Variants in ACAA2 observed in about 807,000 individuals in gnomAD.
ACAA2 encodes acetyl-CoA acyltransferase 2, also known as 3-ketoacyl-CoA thiolase, mitochondrial.
A neutral mutation model predicts 44.8 loss-of-function variants in ACAA2; 35 were observed. That is an observed-to-expected ratio of 0.78 (90% CI 0.60 to 1.04). The LOEUF is 1.04. Ranked by LOEUF, ACAA2 falls within the 50% of genes least tolerant of loss-of-function variation. The pLI, the probability that ACAA2 is intolerant of heterozygous loss-of-function variation, is 0.00. For missense variants in ACAA2, 468 were observed against 482.6 expected, an observed-to-expected ratio of 0.97 and a Z score of 0.28; for synonymous variants, 142 against 166.5, an observed-to-expected ratio of 0.85 and a Z score of 1.13.
At chr18:49,792,847 TAG>T (rs768455297) in intron 5 of ACAA2, among the ~76,000 whole-genome samples, 296 of 151,568 alleles carry the variant, frequency 2.0e-3, no homozygotes, top group Admixed American at 4.9e-3. Context: ...TTAAAAATTA[TAG>T]AGTCTTTACT....
intron 9 of ACAA2, among the ~76,000 whole-genome samples, chr18:49,784,727 A>G (rs1280405796): frequency 6.6e-6 from 1 of 152,158 alleles, no homozygotes; most frequent in Non-Finnish European, 1.5e-5. Context: ...AAACACCCAA[A>G]AGGTTCCTCC....
chr18:49,784,869 G>T (rs2023309204), intron 9 of ACAA2, among the ~76,000 whole-genome samples: 1 of 151,836 alleles, frequency 6.6e-6, no homozygotes, highest in Non-Finnish European at 1.5e-5. Context: ...TTTTACTCCT[G>T]TAACTGGCAC....
chr18:49,786,303 G>T (rs1018159004), intron 8 of ACAA2: 17 of 152,164 alleles, frequency 1.1e-4, no homozygotes, highest in African/African-American at 3.9e-4. Context: ...TATGGTCTGA[G>T]TTATGTCCTT....
At chr18:49,809,110 C>T (rs538872684) in intron 1 of ACAA2, among the ~76,000 whole-genome samples, 3 of 152,242 alleles carry the variant, frequency 2.0e-5, no homozygotes, top group South Asian at 4.1e-4. Flanking sequence ...CTTGCATATC[C>T]GTTTATAGGC....
At chr18:49,788,281 A>AGTAT (rs1385811834) in intron 7 of ACAA2, among the ~76,000 whole-genome samples, 1 of 152,234 alleles carries the variant, frequency 6.6e-6, no homozygotes, top group Non-Finnish European at 1.5e-5. Context: ...AAAAATATGT[A>AGTAT]GTATGTTCTG....
At chr18:49,808,442 C>T (rs1009667217) in intron 1 of ACAA2, among the ~76,000 whole-genome samples, 10 of 152,198 alleles carry the variant, frequency 6.6e-5, no homozygotes, top group African/African-American at 2.2e-4. Flanking sequence ...AAGGCAACCA[C>T]GATGTCCTAT....
At chr18:49,797,017 C>T (rs889104704) in intron 3 of ACAA2, among the ~76,000 whole-genome samples, 51 of 152,176 alleles carry the variant, frequency 3.4e-4, no homozygotes, top group Admixed American at 2.7e-3. Context: ...AAGTATACAG[C>T]TCAGTAGTTT....
intron 2 of ACAA2, among the ~76,000 whole-genome samples, chr18:49,798,793 G>A (rs2023494455): frequency 6.6e-6 from 1 of 151,940 alleles, no homozygotes; most frequent in South Asian, 2.1e-4. Flanking sequence ...ACAAATTAAT[G>A]TCATTAAAAA....
intron 1 of ACAA2, among the ~76,000 whole-genome samples, chr18:49,812,327 C>A (rs2023679492): frequency 6.6e-6 from 1 of 152,064 alleles, no homozygotes; most frequent in Non-Finnish European, 1.5e-5. Context: ...CTGCCTAAAA[C>A]TGAATTCTCA....
intron 3 of ACAA2, among the ~76,000 whole-genome samples, chr18:49,796,903 G>A (rs926257975): frequency 2.0e-5 from 3 of 152,096 alleles, no homozygotes; most frequent in African/African-American, 7.2e-5. Flanking sequence ...ATCTAGCAGG[G>A]TGCCTAGCAT....
Position 49,782,502 on chromosome 18 carries a change from T to G in ACAA2, c.*1345A>C, listed in dbSNP as rs1172246093. 1 of 149,466 alleles carries G rather than the reference T, an allele frequency of 6.7e-6. No homozygotes were observed. The highest frequency in any genetic ancestry group is 1.5e-5 in the Non-Finnish European group (1 of 67,742). 9.3% of individuals were successfully genotyped at this position (149,466 alleles called of 1,614,324 possible). A position where few individuals can be genotyped will look rare whatever the true frequency, so the allele number is the denominator to read the frequency against. ...CATCTATTATTCAGTGAGCCATGAC[T>G]GTGCCACTGCAATTCTGCCTGGGTG... is the stretch of plus-strand genomic sequence containing the variant. On this transcript the variant is annotated 3_prime_UTR_variant, in exon 10 of 10. Coordinates refer to ENST00000285093, the MANE Select transcript of ACAA2 (RefSeq NM_006111.3).
At chr18:49,809,010 C>T (rs769822537) in intron 1 of ACAA2, among the ~76,000 whole-genome samples, 4 of 152,096 alleles carry the variant, frequency 2.6e-5, no homozygotes, top group Non-Finnish European at 4.4e-5. Context: ...CCCAGAGCGG[C>T]CATTTATAGA....
intron 8 of ACAA2, chr18:49,785,736 G>A (rs1467228139): frequency 4.9e-6 from 1 of 205,386 alleles, no homozygotes; most frequent in Non-Finnish European, 9.7e-6. Context: ...GTTTCCGCGT[G>A]TGAAAATGTG....
Position 49,801,785 on chromosome 18 carries a change from C to CATATATAT in ACAA2, c.183+894_183+901dup, listed in dbSNP as rs55864039. 6.6e-3 allele frequency among the ~76,000 whole-genome samples: 742 copies of CATATATAT among 112,162 alleles called. 4 individuals are homozygous for CATATATAT. The highest frequency in any genetic ancestry group is 0.013 in the African/African-American group (369 of 29,348). 73.6% of individuals were successfully genotyped at this position (112,162 alleles called of 152,430 possible). A position where few individuals can be genotyped will look rare whatever the true frequency, so the allele number is the denominator to read the frequency against. On this transcript the variant is annotated intron_variant, in intron 2 of 9. Transcript: ENST00000285093. ...CATAAGATATATCACAGAAACTGAT[C>CATATATAT]ATATATATATATATATATATATATA... is the stretch of plus-strand genomic sequence containing the variant.
At chr18:49,801,810 A>ATATATATATATATC (rs1163274955) in intron 2 of ACAA2, among the ~76,000 whole-genome samples, 3 of 144,990 alleles carry the variant, frequency 2.1e-5, no homozygotes, top group African/African-American at 7.6e-5. Flanking sequence ...ATATATATAT[A>ATATATATATATATC]TATATCTTAT....
At chr18:49,796,554 T>C (rs2023467047) in intron 3 of ACAA2, among the ~76,000 whole-genome samples, 2 of 152,352 alleles carry the variant, frequency 1.3e-5, no homozygotes, top group East Asian at 1.9e-4. Context: ...ACAAATGAAA[T>C]TGGATTTCAC....
At chr18:49,788,743 G>C (rs968028422) in intron 7 of ACAA2, among the ~76,000 whole-genome samples, 2 of 152,154 alleles carry the variant, frequency 1.3e-5, no homozygotes, top group African/African-American at 4.8e-5. Flanking sequence ...AGCATGACTC[G>C]TACTTTCACT....
intron 7 of ACAA2, among the ~76,000 whole-genome samples, chr18:49,789,623 G>A (rs2023374839): frequency 6.6e-6 from 1 of 152,130 alleles, no homozygotes; most frequent in Non-Finnish European, 1.5e-5. Context: ...GTATAAAATA[G>A]CCAACCCATG....
intron 7 of ACAA2, among the ~76,000 whole-genome samples, chr18:49,787,927 G>GATAA (rs1446882816): frequency 6.6e-6 from 1 of 152,186 alleles, no homozygotes; most frequent in African/African-American, 2.4e-5. Flanking sequence ...GGCCCATTTG[G>GATAA]ATAAAAGACA....
Sources: gnomAD v4.1 joint callset for allele counts (sites outside exome capture counted in the v4.1 genomes callset) on GRCh38, gnomAD v4.1.1 for gene constraint, MANE v1.5 for transcripts, NCBI Gene and HGNC (gene_info 2026-07-23, HGNC 2026-07-21) for gene names.